JMJD1C: variants seen among roughly 807,000 people sequenced by gnomAD.
The protein encoded by JMJD1C is jumonji domain-containing protein 1C.
In JMJD1C, 31 loss-of-function variants were observed where a neutral mutation model predicts 245.3. That is an observed-to-expected ratio of 0.13 (90% confidence interval 0.09 to 0.17). The LOEUF (loss-of-function observed/expected upper bound fraction) is 0.17. JMJD1C is among the 10% of genes least tolerant of loss of function. The pLI is 1.00. For missense variants in JMJD1C, 2,691 were observed against 3,000.2 expected, an observed-to-expected ratio of 0.90 and a Z score of 2.41; for synonymous variants, 1,057 against 1,017.4, an observed-to-expected ratio of 1.04 and a Z score of -0.74.
At chr10:63,292,894 C>T (rs997179457) in intron 2 of JMJD1C, among the ~76,000 whole-genome samples, 24 of 151,908 alleles carry the variant, frequency 1.6e-4, no homozygotes, top group African/African-American at 4.1e-4. Context: ...AAATACAAAA[C>T]TTAGCTGGGC....
intron 1 of JMJD1C, among the ~76,000 whole-genome samples, chr10:63,475,843 G>A (rs957744360): frequency 1.3e-5 from 2 of 152,178 alleles, no homozygotes; most frequent in East Asian, 1.9e-4. Context: ...AGGTAAACAT[G>A]AAGTAAAAAC....
Position 63,223,476 on chromosome 10 carries a change from C to T in JMJD1C, c.448-3493G>A, listed in dbSNP as rs765970716. ...CTCCTGGACTCAAGCGATCTGCCCA[C>T]CTTGGCTTCCCAAAGTGCAGGGATT... On this transcript the variant is annotated intron_variant, in intron 3 of 25. Coordinates refer to ENST00000399262, the MANE Select transcript of JMJD1C (RefSeq NM_032776.3). Among the ~76,000 whole-genome samples the T allele has an allele frequency of 2.4e-4, 37 of 152,090 alleles. No individual in the cohort carries two copies. The Middle Eastern group carries it at 0.01, about 42-fold the overall frequency.
intron 1 of JMJD1C, among the ~76,000 whole-genome samples, chr10:63,428,343 A>T (rs1038154196): frequency 6.6e-6 from 1 of 152,240 alleles, no homozygotes; most frequent in Non-Finnish European, 1.5e-5. Context: ...ACTTGCATTA[A>T]TATTGACAAA....
In JMJD1C at chr10:63,191,091, G is replaced by A. The variant is rs1844741894; in HGVS notation, c.6094C>T (p.Leu2032Phe). 2 of 1,612,682 alleles carry A rather than the reference G, an allele frequency of 1.2e-6. No individual in the cohort carries two copies. The highest frequency in any genetic ancestry group is 1.7e-6 in the Non-Finnish European group (2 of 1,178,764). The change falls in exon 17 of 26, where the codon CTT (leucine) becomes TTT (phenylalanine). Residue 2032 changes from leucine (L) to phenylalanine (F), a missense_variant. By Grantham distance (22) the Leu-to-Phe change is conservative (BLOSUM62 0). Transcript: ENST00000399262. ...EEKKENKELT[L>F]ENQIKEEREQ... is the part of the protein sequence containing the mutation. ...CTTTCTTCTTTAATTTGGTTTTCAA[G>A]GGTAAGTTCTTTGTTTTCTGAAATA...
intron 3 of JMJD1C, among the ~76,000 whole-genome samples, chr10:63,249,758 G>T (rs1164308889): frequency 1.3e-5 from 2 of 152,024 alleles, no homozygotes; most frequent in Non-Finnish European, 2.9e-5. Flanking sequence ...TACTCGGGAG[G>T]CTGAGGCAGG....
intron 2 of JMJD1C, chr10:63,268,689 T>G: frequency 1.0e-6 from 1 of 983,666 alleles, no homozygotes. Context: ...TTAAAGTATC[T>G]TTAAATCTCA....
At chr10:63,347,419 TAA>T (rs1401318305) in intron 2 of JMJD1C, among the ~76,000 whole-genome samples, 4 of 149,090 alleles carry the variant, frequency 2.7e-5, no homozygotes, top group African/African-American at 9.9e-5. Flanking sequence ...CCGACTCTAA[TAA>T]AAAGACAAAA....
chr10:63,294,422 A>G (rs1276181044), intron 2 of JMJD1C, among the ~76,000 whole-genome samples: 1 of 151,798 alleles, frequency 6.6e-6, no homozygotes, highest in Non-Finnish European at 1.5e-5. Flanking sequence ...AGTAGCTGGG[A>G]CTACAGGTGT....
At chr10:63,198,030 A>G (rs1325450414) in intron 12 of JMJD1C, among the ~76,000 whole-genome samples, 1 of 152,270 alleles carries the variant, frequency 6.6e-6, no homozygotes, top group Non-Finnish European at 1.5e-5. Context: ...TAGAGCATCT[A>G]CTATGTTAGG....
chr10:63,439,298 T>C (rs773011234), intron 1 of JMJD1C, among the ~76,000 whole-genome samples: 2 of 152,350 alleles, frequency 1.3e-5, no homozygotes, highest in East Asian at 1.9e-4. Context: ...TGTAATGTTC[T>C]GTTCCTGGCT....
intron 17 of JMJD1C, among the ~76,000 whole-genome samples, chr10:63,190,451 C>T (rs575160277): frequency 2.0e-4 from 30 of 152,332 alleles, no homozygotes; most frequent in African/African-American, 6.7e-4. Context: ...ATCCAGCCGC[C>T]TCAGTCTCCG....
At chr10:63,264,499 A>G in intron 3 of JMJD1C, 152 bp downstream of exon 3, 1 of 530,300 alleles carries the variant, frequency 1.9e-6, no homozygotes. Flanking sequence ...CGTTTATCCT[A>G]TAAGCAAAAT....
intron 1 of JMJD1C, chr10:63,427,481 T>A: frequency 8.1e-7 from 1 of 1,236,090 alleles, no homozygotes; most frequent in Non-Finnish European, 1.2e-6. Context: ...ACCAACAGGA[T>A]GTCCCACTGG....
chr10:63,475,233 C>G (rs905001739), intron 1 of JMJD1C, among the ~76,000 whole-genome samples: 1 of 152,100 alleles, frequency 6.6e-6, no homozygotes, highest in African/African-American at 2.4e-5. Context: ...GAACCCTGGA[C>G]AGCTAAGGAT....
At chr10:63,394,486 A>C (rs577272813) in intron 1 of JMJD1C, among the ~76,000 whole-genome samples, 2 of 152,308 alleles carry the variant, frequency 1.3e-5, no homozygotes, top group African/African-American at 4.8e-5. Flanking sequence ...AAGAAAATAT[A>C]ATATTCGTGA....
At chr10:63,502,708 T>TA (rs1277258988) in intron 1 of JMJD1C, among the ~76,000 whole-genome samples, 4 of 149,156 alleles carry the variant, frequency 2.7e-5, no homozygotes, top group African/African-American at 9.9e-5. Context: ...CAACTGCCAA[T>TA]ATAATATATT....
intron 1 of JMJD1C, among the ~76,000 whole-genome samples, chr10:63,412,282 A>G (rs1034705093): frequency 3.9e-5 from 6 of 152,026 alleles, no homozygotes; most frequent in Non-Finnish European, 4.4e-5. Flanking sequence ...GTATTCTTAC[A>G]GTAAAGTAAG....
chr10:63,194,852 T>C (rs556360960), intron 13 of JMJD1C, among the ~76,000 whole-genome samples: 1 of 152,348 alleles, frequency 6.6e-6, no homozygotes, highest in South Asian at 2.1e-4. Flanking sequence ...ATACAGTTAC[T>C]ATTAACTGCT....
chr10:63,448,446 C>T (rs1951839855), intron 1 of JMJD1C, among the ~76,000 whole-genome samples: 1 of 152,146 alleles, frequency 6.6e-6, no homozygotes, highest in Admixed American at 6.5e-5. Flanking sequence ...TGTGAGCCTC[C>T]ACACCCAGCC....
Sources: allele counts gnomAD v4.1 joint callset (sites outside exome capture counted in the v4.1 genomes callset), GRCh38; gene constraint gnomAD v4.1.1; transcripts MANE v1.5; gene names NCBI Gene and HGNC (gene_info 2026-07-23, HGNC 2026-07-21).